The following CNBD1 variants were observed in gnomAD, a reference collection of about 807,000 sequenced individuals.
CNBD1 encodes cyclic nucleotide binding domain containing 1.
In CNBD1, 71 loss-of-function variants were observed where a neutral mutation model predicts 54.4. The observed-to-expected ratio is 1.30, with a 90% CI of 1.08 to 1.59. The LOEUF (loss-of-function observed/expected upper bound fraction) is 1.59. CNBD1 is among the 40% of genes most tolerant of loss of function. CNBD1 has a pLI of 0.00. For synonymous variants in CNBD1, 182 were observed against 170.7 expected (o/e 1.07, Z -0.51); for missense variants, 659 against 518.0 (o/e 1.27, Z -2.64).
intron 10 of CNBD1, among the ~76,000 whole-genome samples, chr8:87,370,346 A>T (rs1205483579): frequency 1.3e-5 from 2 of 152,156 alleles, no homozygotes; most frequent in African/African-American, 4.8e-5. Context: ...TCCCATCAAC[A>T]GTGTAAAAGT....
chr8:87,152,439 T>A (rs1265030946), intron 4 of CNBD1, among the ~76,000 whole-genome samples: 2 of 138,198 alleles, frequency 1.4e-5, no homozygotes, highest in Non-Finnish European at 1.6e-5. Flanking sequence ...GCTGATGAGC[T>A]AAAAAAAAAA....
At chr8:87,379,606 G>C (rs138856317) in intron 10 of CNBD1, among the ~76,000 whole-genome samples, 2,860 of 151,834 alleles carry the variant, frequency 0.019, 90 homozygotes, top group African/African-American at 0.062. Context: ...CATTTTTGAT[G>C]AAGAAATAAA....
chr8:86,910,997 G>A (rs1036694490), intron 3 of CNBD1, among the ~76,000 whole-genome samples: 1 of 152,164 alleles, frequency 6.6e-6, no homozygotes, highest in African/African-American at 2.4e-5. Context: ...GATTAGTTGT[G>A]CTGTTTGCAT....
intron 6 of CNBD1, among the ~76,000 whole-genome samples, chr8:87,275,226 C>T (rs1171168911): frequency 1.4e-5 from 2 of 141,402 alleles, no homozygotes; most frequent in Non-Finnish European, 3.1e-5. Context: ...CAGCTTTGTT[C>T]TTTTGGCTTA....
intron 2 of CNBD1, among the ~76,000 whole-genome samples, chr8:87,413,753 CA>C (rs11411230): frequency 6.7e-6 from 1 of 148,810 alleles, no homozygotes; most frequent in Non-Finnish European, 1.5e-5. Flanking sequence ...TTTATGCAGC[CA>C]AAAAACACAT....
Position 86,977,055 on chromosome 8 carries a change from C to G in CNBD1, c.431+37301C>G, listed in dbSNP as rs535849433. ...ATTGCTCTGTCTAGAATTTCCATTA[C>G]TATGCTGAACAGAAGTGGTGAGAGT... On this transcript the variant is annotated intron_variant, in intron 4 of 10. Transcript: ENST00000518476. Among the ~76,000 whole-genome samples the G allele has an allele frequency of 7.2e-5, 11 of 152,030 alleles. 1 individual carries two copies. The South Asian group carries it at 2.3e-3, about 32-fold the overall frequency.
At chr8:87,347,486 C>A (rs1438424338) in intron 8 of CNBD1, among the ~76,000 whole-genome samples, 1 of 148,584 alleles carries the variant, frequency 6.7e-6, no homozygotes, top group Admixed American at 6.7e-5. Flanking sequence ...ATAAACAAAT[C>A]AATAACTTAT....
intron 8 of CNBD1, among the ~76,000 whole-genome samples, chr8:87,295,480 A>G (rs1355667750): frequency 6.6e-6 from 1 of 151,670 alleles, no homozygotes. Context: ...AATTTATTTA[A>G]TTAATTCAAA....
At chr8:87,418,731 A>C (rs1025895989) in intron 2 of CNBD1, among the ~76,000 whole-genome samples, 5 of 152,144 alleles carry the variant, frequency 3.3e-5, no homozygotes, top group Non-Finnish European at 7.4e-5. Context: ...AAGTGGGAGA[A>C]AAACAAGTCA....
chr8:86,995,201 T>G (rs986566472), intron 4 of CNBD1, among the ~76,000 whole-genome samples: 7 of 152,150 alleles, frequency 4.6e-5, no homozygotes, highest in African/African-American at 1.7e-4. Flanking sequence ...TCTGGCTTAA[T>G]GGATGAGGAG....
At chr8:87,015,865 C>T (rs1809343994) in intron 4 of CNBD1, among the ~76,000 whole-genome samples, 1 of 149,114 alleles carries the variant, frequency 6.7e-6, no homozygotes, top group African/African-American at 2.5e-5. Context: ...CCTGTAATCT[C>T]AGCTACTTGG....
chr8:87,423,074 T>A (rs1185526892), intron 2 of CNBD1, among the ~76,000 whole-genome samples: 2 of 147,688 alleles, frequency 1.4e-5, no homozygotes, highest in African/African-American at 5.3e-5. Flanking sequence ...GGCTCTCTGT[T>A]TGTCTGTTGT....
chr8:87,299,971 T>C (rs574780698), intron 8 of CNBD1, among the ~76,000 whole-genome samples: 1 of 152,212 alleles, frequency 6.6e-6, no homozygotes. Flanking sequence ...ATAGGGCCAA[T>C]GGCCTAGAAA....
At chr8:86,883,258 A>G (rs13272230) in intron 1 of CNBD1, among the ~76,000 whole-genome samples, 73,042 of 151,790 alleles carry the variant, frequency 0.48, 17,817 homozygotes, top group East Asian at 0.56. Context: ...AATTCAGGAG[A>G]GGATCATGTT....
intron 3 of CNBD1, among the ~76,000 whole-genome samples, chr8:86,910,686 G>A (rs1248200236): frequency 6.6e-6 from 1 of 152,192 alleles, no homozygotes; most frequent in Non-Finnish European, 1.5e-5. Context: ...GTTTATGTCA[G>A]GAGTGAAAAA....
intron 4 of CNBD1, among the ~76,000 whole-genome samples, chr8:87,167,405 G>T (rs1165686477): frequency 1.3e-5 from 2 of 151,812 alleles, no homozygotes; most frequent in Non-Finnish European, 2.9e-5. Context: ...GTAAATTGTT[G>T]TTATGATCAT....
At chr8:87,213,838 G>T (rs542495822) in intron 5 of CNBD1, among the ~76,000 whole-genome samples, 1 of 152,120 alleles carries the variant, frequency 6.6e-6, no homozygotes, top group Middle Eastern at 3.4e-3. Flanking sequence ...GGCAAGTCCC[G>T]TCCACCTGTG....
At chr8:87,370,685 C>G (rs1020624089) in intron 10 of CNBD1, among the ~76,000 whole-genome samples, 1 of 150,956 alleles carries the variant, frequency 6.6e-6, no homozygotes, top group Non-Finnish European at 1.5e-5. Flanking sequence ...GTTGCCTGTT[C>G]ACTCTGATGG....
At chr8:86,908,163 A>C (rs1057508205) in intron 3 of CNBD1, among the ~76,000 whole-genome samples, 2 of 152,236 alleles carry the variant, frequency 1.3e-5, no homozygotes, top group Non-Finnish European at 2.9e-5. Context: ...CAAGGCACAC[A>C]GATGAAAATA....
Sources: gnomAD v4.1 joint callset for allele counts (sites outside exome capture counted in the v4.1 genomes callset) on GRCh38, gnomAD v4.1.1 for gene constraint, MANE v1.5 for transcripts, NCBI Gene and HGNC (gene_info 2026-07-23, HGNC 2026-07-21) for gene names.